CCDC69: variants seen among roughly 807,000 people sequenced by gnomAD.
CCDC69 encodes the protein coiled-coil domain-containing protein 69.
A neutral mutation model predicts 40.3 loss-of-function variants in CCDC69; 38 were observed. That is an observed-to-expected ratio of 0.94 (90% confidence interval 0.73 to 1.24). CCDC69 has a LOEUF of 1.24. Ranked by LOEUF, CCDC69 falls within the 50% of genes most tolerant of loss-of-function variation. The pLI, the probability that CCDC69 is intolerant of heterozygous loss-of-function variation, is 0.00. For synonymous variants in CCDC69, 141 were observed against 138.9 expected, an observed-to-expected ratio of 1.02 and a Z score of -0.11; for missense variants, 389 against 357.9, an observed-to-expected ratio of 1.09 and a Z score of -0.70.
rs116208525 is a variant in CCDC69 at position 151,202,067 on chromosome 5, A to G, written c.125-379T>C. Reference sequence around the variant, plus strand: ...GTTCTACCCCATTTTTTAAAAAATTAGTCGCTGGCCAGACATGGTGGCTCA... The same window carrying G: ...GTTCTACCCCATTTTTTAAAAAATTGGTCGCTGGCCAGACATGGTGGCTCA... On this transcript the variant is annotated intron_variant, in intron 2 of 8. Coordinates refer to ENST00000355417, the MANE Select transcript of CCDC69 (RefSeq NM_015621.3). 2.1e-3 allele frequency among the ~76,000 whole-genome samples: 324 copies of G among 152,204 alleles called. 2 individuals carry two copies. Among genetic ancestry groups the G allele is most frequent in the African/African-American group, 7.6e-3 (315 of 41,526 alleles).
In CCDC69 at chr5:151,181,728, C is replaced by A. The variant is rs374011229; in HGVS notation, c.*1709G>T. On this transcript the variant is annotated 3_prime_UTR_variant, in exon 9 of 9. Coordinates refer to ENST00000355417, the MANE Select transcript of CCDC69 (RefSeq NM_015621.3). ...TTTAGGTGTCCCCAAATAACTTGGC[C>A]ACCAATCATGTCTACTCCTGGACAT... 4 of 152,206 alleles carry A rather than the reference C, an allele frequency of 2.6e-5. No homozygotes were observed. The highest frequency in any genetic ancestry group is 9.7e-5 in the African/African-American group (4 of 41,442). 9.4% of individuals were successfully genotyped at this position (152,206 alleles called of 1,614,324 possible). A position where few individuals can be genotyped will look rare whatever the true frequency, so the allele number is the denominator to read the frequency against.
At chr5:151,206,694 G>A (rs1028281662) in intron 1 of CCDC69, among the ~76,000 whole-genome samples, 7 of 150,436 alleles carry the variant, frequency 4.7e-5, no homozygotes, top group African/African-American at 1.7e-4. Flanking sequence ...ACAGTGGCAC[G>A]ATCTCGGCTC....
chr5:151,196,816 G>A (rs539647939), intron 4 of CCDC69, among the ~76,000 whole-genome samples: 2 of 152,210 alleles, frequency 1.3e-5, no homozygotes, highest in East Asian at 3.8e-4. Context: ...CAGTTTGGCA[G>A]TTGTTCAAAA....
At chr5:151,203,482 C>T (rs1327306450) in intron 2 of CCDC69, among the ~76,000 whole-genome samples, 2 of 149,110 alleles carry the variant, frequency 1.3e-5, no homozygotes, top group East Asian at 3.9e-4. Flanking sequence ...TACACTCCAG[C>T]CTGGCAACAA....
At position 151,224,047 on chromosome 5, in the gene CCDC69, CCGCTCCG is replaced by C; in HGVS notation, c.-84_-78del. ...GAGCCTGCGATCCGGGCCCCGCTGC[CCGCTCCG>C]CGCCCGCCGGCTGGGGCTGCCGGCG... On this transcript the variant is annotated 5_prime_UTR_variant, in exon 1 of 9. Coordinates refer to ENST00000355417, the MANE Select transcript of CCDC69 (RefSeq NM_015621.3). 1 of 1,303,788 alleles carries C rather than the reference CCGCTCCG, an allele frequency of 7.7e-7. No homozygotes were observed. The highest frequency in any genetic ancestry group is 1.0e-6 in the Non-Finnish European group (1 of 966,152). 80.8% of individuals were successfully genotyped at this position (1,303,788 alleles called of 1,614,324 possible).
intron 1 of CCDC69, among the ~76,000 whole-genome samples, chr5:151,206,473 C>T (rs1752855083): frequency 6.6e-6 from 1 of 152,148 alleles, no homozygotes; most frequent in South Asian, 2.1e-4. Context: ...AGTCCCAAAC[C>T]TCTAAGAGGA....
At chr5:151,217,735 C>T (rs1267360419) in intron 1 of CCDC69, among the ~76,000 whole-genome samples, 1 of 152,166 alleles carries the variant, frequency 6.6e-6, no homozygotes, top group Non-Finnish European at 1.5e-5. Context: ...GTTGGGACAC[C>T]AGTCACTGGA....
chr5:151,187,958 G>T (rs973381606), intron 4 of CCDC69, among the ~76,000 whole-genome samples: 19 of 152,144 alleles, frequency 1.2e-4, no homozygotes, highest in Non-Finnish European at 4.4e-5. Flanking sequence ...ACCTTGAGAA[G>T]ATCATATCAG....
chr5:151,189,390 G>A (rs1752573492), intron 4 of CCDC69, among the ~76,000 whole-genome samples: 1 of 151,810 alleles, frequency 6.6e-6, no homozygotes, highest in South Asian at 2.1e-4. Context: ...GAGATGATAA[G>A]AAAGAGCCAG....
chr5:151,219,378 C>T (rs1753104070), intron 1 of CCDC69, among the ~76,000 whole-genome samples: 1 of 152,084 alleles, frequency 6.6e-6, no homozygotes, highest in Non-Finnish European at 1.5e-5. Context: ...TTCCTTGACC[C>T]CCCCGAGTCC....
chr5:151,211,927 T>A (rs1247015906), intron 1 of CCDC69, among the ~76,000 whole-genome samples: 1 of 147,026 alleles, frequency 6.8e-6, no homozygotes, highest in African/African-American at 2.6e-5. Context: ...AACTACTGAG[T>A]GGAAAATCCC....
At chr5:151,195,667 C>T (rs568260066) in intron 4 of CCDC69, among the ~76,000 whole-genome samples, 20 of 129,278 alleles carry the variant, frequency 1.5e-4, no homozygotes, top group Middle Eastern at 5.1e-3. Flanking sequence ...TACAGTGAAC[C>T]GAGATCATGC....
chr5:151,201,917 T>G (rs1401721080), intron 2 of CCDC69, among the ~76,000 whole-genome samples: 2 of 152,062 alleles, frequency 1.3e-5, no homozygotes. Context: ...TGTCTTCTGG[T>G]CTCTGCCTCA....
chr5:151,186,183 A>G (rs773555305), intron 5 of CCDC69, 59 bp from the exon 6 acceptor site: 8 of 1,150,598 alleles, frequency 7.0e-6, no homozygotes, highest in Non-Finnish European at 1.1e-5. Context: ...CTGTAGGTGA[A>G]CTTCGCCACA....
At chr5:151,213,542 A>T (rs1762484213) in intron 1 of CCDC69, among the ~76,000 whole-genome samples, 1 of 152,018 alleles carries the variant, frequency 6.6e-6, no homozygotes, top group South Asian at 2.1e-4. Flanking sequence ...GTGAGCCACC[A>T]TGCCCGGCCA....
At chr5:151,212,203 C>T (rs1174236345) in intron 1 of CCDC69, 1 of 152,432 alleles carries the variant, frequency 6.6e-6, no homozygotes, top group Non-Finnish European at 1.5e-5. Flanking sequence ...GCAGGGAGAA[C>T]CCAGGCCTGG....
intron 4 of CCDC69, among the ~76,000 whole-genome samples, chr5:151,197,984 G>A (rs1752723537): frequency 6.6e-6 from 1 of 152,156 alleles, no homozygotes; most frequent in Non-Finnish European, 1.5e-5. Flanking sequence ...AAGTGTGTGT[G>A]TATAGATGTA....
intron 8 of CCDC69, 22 bp downstream of exon 8, chr5:151,184,322 A>G (rs1259449974): frequency 6.3e-7 from 1 of 1,591,390 alleles, no homozygotes; most frequent in Non-Finnish European, 8.6e-7. Context: ...GATGGGAGTA[A>G]AGGAGGCAGG....
At chr5:151,192,121 A>T (rs1177405373) in intron 4 of CCDC69, among the ~76,000 whole-genome samples, 10 of 114,782 alleles carry the variant, frequency 8.7e-5, no homozygotes, top group South Asian at 8.0e-4. Flanking sequence ...GAAAAGAAAT[A>T]AAAAAAAAAA....
Sources: gnomAD v4.1 joint callset for allele counts (sites outside exome capture counted in the v4.1 genomes callset) on GRCh38, gnomAD v4.1.1 for gene constraint, MANE v1.5 for transcripts, NCBI Gene and HGNC (gene_info 2026-07-23, HGNC 2026-07-21) for gene names.